Variants in KANK1 observed in about 807,000 individuals in gnomAD.
KANK1 encodes the protein KN motif and ankyrin repeat domain-containing protein 1.
In KANK1, 109 loss-of-function variants were observed where a neutral mutation model predicts 106.2. The ratio of observed to expected loss-of-function variants is 1.03; its 90% CI spans 0.88 to 1.20. The LOEUF (loss-of-function observed/expected upper bound fraction) is 1.20. Ranked by LOEUF, KANK1 falls within the 50% of genes most tolerant of loss-of-function variation. KANK1 has a pLI of 0.00. For missense variants in KANK1, 2,399 were observed against 1,710.7 expected (o/e 1.40, Z -7.10); for synonymous variants, 873 against 652.2 (o/e 1.34, Z -5.16).
chr9:608,025 A>ATTTTTTTTTTTT (rs200257324), intron 1 of KANK1, among the ~76,000 whole-genome samples: 4 of 78,162 alleles, frequency 5.1e-5, no homozygotes, highest in South Asian at 4.8e-4. Flanking sequence ...TATTATTATT[A>ATTTTTTTTTTTT]TTATTATTAT....
At chr9:674,715 T>C (rs1007820353) in intron 1 of KANK1, among the ~76,000 whole-genome samples, 2 of 152,154 alleles carry the variant, frequency 1.3e-5, no homozygotes, top group Non-Finnish European at 2.9e-5. Flanking sequence ...ATTTTTAGTT[T>C]TGTTTTTTGA....
At chr9:496,224 G>C (rs573171635) in intron 3 of KANK1, among the ~76,000 whole-genome samples, 16 of 152,272 alleles carry the variant, frequency 1.1e-4, no homozygotes, top group Admixed American at 9.8e-4. Flanking sequence ...TGCCAAGCAT[G>C]GAAGTAAGCT....
chr9:558,482 T>C (rs1815476205), intron 1 of KANK1, among the ~76,000 whole-genome samples: 1 of 152,222 alleles, frequency 6.6e-6, no homozygotes, highest in Non-Finnish European at 1.5e-5. Flanking sequence ...TGTTTAAAGA[T>C]ACCTTGTTTA....
chr9:593,366 A>G (rs1282659653), intron 1 of KANK1, among the ~76,000 whole-genome samples: 5 of 151,722 alleles, frequency 3.3e-5, no homozygotes, highest in African/African-American at 9.7e-5. Context: ...TTTTGATCCT[A>G]TTCCTAATAT....
intron 3 of KANK1, among the ~76,000 whole-genome samples, chr9:475,316 A>G (rs2058084796): frequency 6.6e-6 from 1 of 152,230 alleles, no homozygotes; most frequent in Admixed American, 6.5e-5. Flanking sequence ...GCCACTGCAC[A>G]TATGGACAGC....
At chr9:640,822 G>A (rs1024885309) in intron 1 of KANK1, among the ~76,000 whole-genome samples, 5 of 151,444 alleles carry the variant, frequency 3.3e-5, no homozygotes, top group Non-Finnish European at 5.9e-5. Context: ...TTGGCCTCCC[G>A]AGTAGCTGGA....
At chr9:622,297 G>A (rs1202338217) in intron 1 of KANK1, among the ~76,000 whole-genome samples, 1 of 152,202 alleles carries the variant, frequency 6.6e-6, no homozygotes, top group East Asian at 1.9e-4. Flanking sequence ...TAAGCGCTGT[G>A]TGTTGGGGCA....
At chr9:484,126 G>A (rs927762181) in intron 3 of KANK1, among the ~76,000 whole-genome samples, 5 of 152,168 alleles carry the variant, frequency 3.3e-5, no homozygotes, top group Non-Finnish European at 7.4e-5. Flanking sequence ...GTGAGCTGAG[G>A]GCAGCTACTT....
intron 1 of KANK1, among the ~76,000 whole-genome samples, chr9:593,210 G>A (rs1002229546): frequency 2.0e-5 from 3 of 151,858 alleles, no homozygotes; most frequent in Admixed American, 2.0e-4. Flanking sequence ...ATGTGTTCCA[G>A]TTTTTGGTTT....
At chr9:504,511 C>T (rs993792431), upstream of KANK1, among the ~76,000 whole-genome samples, 2 of 150,410 alleles carry the variant, frequency 1.3e-5, no homozygotes, top group Admixed American at 6.6e-5. Context: ...CGGGGCTTCG[C>T]CGGCCCGCGC....
chr9:669,518 G>T (rs72691382), intron 1 of KANK1, among the ~76,000 whole-genome samples: 2 of 151,800 alleles, frequency 1.3e-5, no homozygotes, highest in African/African-American at 4.8e-5. Flanking sequence ...GTTTTTTGGG[G>T]TTTTTTCTTT....
At chr9:522,973 A>T (rs1002114165) in intron 1 of KANK1, among the ~76,000 whole-genome samples, 1 of 151,674 alleles carries the variant, frequency 6.6e-6, no homozygotes, top group Non-Finnish European at 1.5e-5. Context: ...GTATTGATGG[A>T]TAATGCAAAA....
chr9:536,989 T>C (rs2060334051), intron 1 of KANK1, among the ~76,000 whole-genome samples: 1 of 152,096 alleles, frequency 6.6e-6, no homozygotes, highest in Non-Finnish European at 1.5e-5. Flanking sequence ...GCAAGACCCA[T>C]TGGAAGACTG....
chr9:563,219 T>G (rs1332230121), intron 1 of KANK1, among the ~76,000 whole-genome samples: 1 of 151,540 alleles, frequency 6.6e-6, no homozygotes, highest in Non-Finnish European at 1.5e-5. Context: ...TACTGACCCT[T>G]AATAGAAAAT....
chr9:525,710 T>TA (rs2059760154), intron 1 of KANK1, among the ~76,000 whole-genome samples: 1 of 151,566 alleles, frequency 6.6e-6, no homozygotes, highest in Admixed American at 6.6e-5. Flanking sequence ...ATGGCTCTAA[T>TA]AAGTGTTGCA....
At position 531,649 on chromosome 9, in the gene KANK1, G is replaced by C. The variant is rs138954939; in HGVS notation, c.-84+26895G>C. 6.2e-3 allele frequency among the ~76,000 whole-genome samples: 951 copies of C among 152,310 alleles called. 7 individuals are homozygous for C. Among genetic ancestry groups the C allele is most frequent in the African/African-American group, 0.021 (892 of 41,558 alleles). ...AGGTGATGAAAATACAGCATCAGTAGTTAACTGGAGTACAGCAGCATTGGT... is the reference window on the plus strand; with the variant it reads ...AGGTGATGAAAATACAGCATCAGTACTTAACTGGAGTACAGCAGCATTGGT... On this transcript the variant is annotated intron_variant, in intron 1 of 11. Transcript: ENST00000382297.
In KANK1 at chr9:637,632, A is replaced by C. The variant is rs138146457; in HGVS notation, c.-83-39258A>C. On this transcript the variant is annotated intron_variant, in intron 1 of 11. Transcript: ENST00000382297. ...GCTTTATCTGGGGACCACACTTGAG[A>C]ACCACTGTCCTATGGGATCAAGAAA... 1.6e-3 allele frequency among the ~76,000 whole-genome samples: 239 copies of C among 152,308 alleles called. 1 individual carries two copies. Among genetic ancestry groups the C allele is most frequent in the African/African-American group, 5.4e-3 (223 of 41,542 alleles).
intron 3 of KANK1, among the ~76,000 whole-genome samples, chr9:473,809 C>A (rs1303878381): frequency 1.3e-5 from 2 of 152,090 alleles, no homozygotes; most frequent in Non-Finnish European, 2.9e-5. Flanking sequence ...AAGTGATTCT[C>A]CTGCCTCAGC....
intron 1 of KANK1, among the ~76,000 whole-genome samples, chr9:551,922 G>A (rs1382149279): frequency 5.3e-5 from 8 of 151,900 alleles, no homozygotes; most frequent in Admixed American, 5.2e-4. Flanking sequence ...TGGGTGTGTT[G>A]ATGTGCACCT....
Sources: allele counts gnomAD v4.1 joint callset (sites outside exome capture counted in the v4.1 genomes callset), GRCh38; gene constraint gnomAD v4.1.1; transcripts MANE v1.5; gene names NCBI Gene and HGNC (gene_info 2026-07-23, HGNC 2026-07-21).